Variants in TTN observed in about 807,000 individuals in gnomAD.
TTN encodes connectin.
In TTN, 1,525 loss-of-function variants were observed where a neutral mutation model predicts 3,223.0. That is an observed-to-expected ratio of 0.47 (90% confidence interval 0.45 to 0.49). TTN has a LOEUF of 0.49. TTN is among the 20% of genes least tolerant of loss of function. The probability of loss-of-function intolerance (pLI) is 0.00; values close to 1 mark genes in which losing one functional copy is unlikely to be tolerated. For synonymous variants in TTN, 14,094 were observed against 15,161.0 expected, an observed-to-expected ratio of 0.93 and a Z score of 5.17; for missense variants, 40,786 against 43,424.0, an observed-to-expected ratio of 0.94 and a Z score of 5.40.
Position 178,769,919 on chromosome 2 carries a change from T to G in TTN, c.8662A>C (p.Met2888Leu), listed in dbSNP as rs1038686184. The change falls in exon 37 of 363, where the codon ATG becomes CTG. Residue 2888 changes from methionine to leucine, a missense_variant. Met to Leu is a conservative substitution (Grantham distance 15). Transcript: ENST00000589042. ...GTCTCAGGCACCTCGATATTTTTCA[T>G]GGTTTTTGTAATATGTAATGCTTGG... Reference protein sequence around the residue: ...FVETLHITKTMKNIEVPETKT... With the variant: ...FVETLHITKTLKNIEVPETKT... The G allele has an allele frequency of 4.3e-6, 7 of 1,614,098 alleles. No individual in the cohort carries two copies. The South Asian group carries it at 6.6e-5, about 15-fold the overall frequency.
At position 178,649,179 on chromosome 2, in the gene TTN, C is replaced by T. The variant is rs1452513763; in HGVS notation, c.40057+69G>A. 13 of 1,172,128 alleles carry T rather than the reference C, an allele frequency of 1.1e-5. 1 individual carries two copies. Among genetic ancestry groups the T allele is most frequent in the East Asian group, 5.8e-5 (2 of 34,720 alleles). 72.6% of individuals were successfully genotyped at this position (1,172,128 alleles called of 1,614,324 possible). A position where few individuals can be genotyped will look rare whatever the true frequency, so the allele number is the denominator to read the frequency against. ...ATAAATTCACATTCAGTATGTTTTT[C>T]TCTAAGACCTATTATTAACATGCTT... On this transcript the variant is annotated intron_variant, in intron 213 of 362. Coordinates refer to ENST00000589042, the MANE Select transcript of TTN (RefSeq NM_001267550.2).
intron 282 of TTN, among the ~76,000 whole-genome samples, chr2:178,603,110 C>T (rs1160290263): frequency 6.6e-6 from 1 of 151,960 alleles, no homozygotes; most frequent in African/African-American, 2.4e-5. Flanking sequence ...AATTCTTTTA[C>T]TGTACTTGTC....
At position 178,558,154 on chromosome 2, in the gene TTN, G is replaced by A. The variant is rs878925055; in HGVS notation, c.87200C>T (p.Pro29067Leu). The change falls in exon 328 of 363, where the codon CCA becomes CTA. Residue 29067 changes from proline to leucine, a missense_variant. Pro to Leu is a moderately conservative substitution (Grantham distance 98, BLOSUM62 -3). Transcript: ENST00000589042. ...TTTGGGAAGTGGTTTTCCAGAGATT[G>A]GAATGTCAACTTTAAGGTTTGAACC... The part of the protein sequence containing the change: ...RAGSNLKVDI[P>L]ISGKPLPKVT... 28 of 1,613,698 alleles carry A rather than the reference G, an allele frequency of 1.7e-5. No homozygotes were observed. The highest frequency in any genetic ancestry group is 2.7e-5 in the African/African-American group (2 of 74,932).
intron 223 of TTN, 127 bp downstream of exon 223, chr2:178,639,572 A>G: frequency 1.0e-6 from 1 of 984,912 alleles, no homozygotes; most frequent in Non-Finnish European, 1.6e-6. Flanking sequence ...GAAACTTACC[A>G]TAAACCTCCG....
In TTN at chr2:178,573,890, G is replaced by A. The variant is rs771966894; in HGVS notation, c.72242C>T (p.Ala24081Val). The change falls in exon 326 of 363, where the codon GCA (alanine) becomes GTA (valine). Residue 24081 changes from alanine to valine, a missense_variant. Transcript: ENST00000589042. ...EGTAKLEIKIADFSTNLVNKD... is the reference protein window; with the variant it reads ...EGTAKLEIKIVDFSTNLVNKD... ...GTTTACCAGATTAGTAGAGAAATCTGCAATTTTTATTTCTAACTTTGCTGT... is the reference window on the plus strand; with the variant it reads ...GTTTACCAGATTAGTAGAGAAATCTACAATTTTTATTTCTAACTTTGCTGT... 6.2e-7 allele frequency: 1 copy of A among 1,611,302 alleles called. No individual in the cohort carries two copies. The highest frequency in any genetic ancestry group is 1.1e-5 in the South Asian group (1 of 90,982).
chr2:178,535,064 T>G lies in TTN; in HGVS notation c.101551A>C (p.Lys33851Gln), dbSNP rs1394900631. ...SKKTYMAKFVKVKGTDQVLVK... is the reference protein window; with the variant it reads ...SKKTYMAKFVQVKGTDQVLVK... The stretch of plus-strand genomic sequence containing the variant: ...AAAACCTGATCAGTCCCTTTGACTT[T>G]AACAAATTTGGCCATGTATGTCTTC... The change falls in exon 358 of 363, where the codon AAA becomes CAA. Residue 33851 changes from lysine to glutamine, a missense_variant. By Grantham distance (53) the Lys-to-Gln change is moderately conservative (BLOSUM62 1). Coordinates refer to ENST00000589042, the MANE Select transcript of TTN (RefSeq NM_001267550.2). 2 of 1,613,936 alleles carry G rather than the reference T, an allele frequency of 1.2e-6. No individual in the cohort carries two copies. Among genetic ancestry groups the G allele is most frequent in the Non-Finnish European group, 1.7e-6 (2 of 1,179,854 alleles).
intron 117 of TTN, among the ~76,000 whole-genome samples, chr2:178,694,314 T>C (rs1214639808): frequency 6.6e-6 from 1 of 152,200 alleles, no homozygotes; most frequent in Non-Finnish European, 1.5e-5. Context: ...GGGAATATTA[T>C]ATGCAATGGA....
chr2:178,542,052 TAAAA>T, intron 349 of TTN: 1 of 430,830 alleles, frequency 2.3e-6, no homozygotes, highest in Admixed American at 3.9e-5. Flanking sequence ...GTGAAGATAT[TAAAA>T]AAAAAATCAA....
In TTN at chr2:178,653,112, G is replaced by A; in HGVS notation, c.38804C>T (p.Pro12935Leu). Residue 12935 changes from proline (P) to leucine (L), a missense_variant, in exon 199 of 363, where the codon CCC (proline) becomes CTC (leucine). Pro to Leu is a moderately conservative substitution (Grantham distance 98). Coordinates refer to ENST00000589042, the MANE Select transcript of TTN (RefSeq NM_001267550.2). Reference protein sequence around the residue: ...EVPPVKVPEAPKEVVPEKKVP... With the variant: ...EVPPVKVPEALKEVVPEKKVP... ...TTTCTTTTCAGGAACAACTTCTTTG[G>A]GAGCCTCTGGCACTTAAAAGATATT... 6.2e-7 allele frequency: 1 copy of A among 1,612,690 alleles called. No homozygotes were observed. The highest frequency in any genetic ancestry group is 2.2e-5 in the East Asian group (1 of 44,784).
Position 178,551,155 on chromosome 2 carries a change from A to T in TTN, c.91376T>A (p.Ile30459Asn). The change falls in exon 336 of 363, where the codon ATT (isoleucine) becomes AAT (asparagine). Residue 30459 changes from isoleucine to asparagine, a missense_variant. Physicochemically the swap from Ile to Asn is moderately radical, Grantham distance 149. Transcript: ENST00000589042. Reference protein sequence around the residue: ...DGGSKIVGYSIEKRQGNERWV... With the variant: ...DGGSKIVGYSNEKRQGNERWV... The stretch of plus-strand genomic sequence containing the variant: ...GCGTTCATTTCCTTGCCGTTTCTCA[A>T]TGCTATAGCCCACAATCTTACTGCC... 6.2e-7 allele frequency: 1 copy of T among 1,613,574 alleles called. No homozygotes were observed. Among genetic ancestry groups the T allele is most frequent in the Non-Finnish European group, 8.5e-7 (1 of 1,179,676 alleles).
In TTN at chr2:178,534,488, T is replaced by C; in HGVS notation, c.102127A>G (p.Ser34043Gly). 6 of 1,613,778 alleles carry C rather than the reference T, an allele frequency of 3.7e-6. No homozygotes were observed. Among genetic ancestry groups the C allele is most frequent in the Non-Finnish European group, 5.1e-6 (6 of 1,179,806 alleles). Residue 34043 changes from serine to glycine, a missense_variant, in exon 358 of 363, where the codon AGC (serine) becomes GGC (glycine). Ser to Gly is a moderately conservative substitution (Grantham distance 56). Coordinates refer to ENST00000589042, the MANE Select transcript of TTN (RefSeq NM_001267550.2). The stretch of plus-strand genomic sequence containing the variant: ...TCAACAAAATCCATGGCTTCAATGC[T>C]AATCTCTTTGAATGCTTCCTCATCG... ...TFDEEAFKEI[S>G]IEAMDFVDRL...
At chr2:178,637,502 G>A in intron 223 of TTN, 83 bp from the exon 224 acceptor site, 2 of 749,642 alleles carry the variant, frequency 2.7e-6, no homozygotes, top group Non-Finnish European at 3.9e-6. Flanking sequence ...GGTGAGTCAT[G>A]CTCCATTATA....
At position 178,532,336 on chromosome 2, in the gene TTN, T is replaced by C; in HGVS notation, c.104279A>G (p.Gln34760Arg). 1 of 1,614,028 alleles carries C rather than the reference T, an allele frequency of 6.2e-7. No homozygotes were observed. Among genetic ancestry groups the C allele is most frequent in the Non-Finnish European group, 8.5e-7 (1 of 1,179,884 alleles). The change falls in exon 358 of 363, where the codon CAA becomes CGA. Residue 34760 changes from glutamine to arginine, a missense_variant. Coordinates refer to ENST00000589042, the MANE Select transcript of TTN (RefSeq NM_001267550.2). ...CCTCTCAGCCATGATTCTTTGCCGT[T>C]GCTTTGGCTGTCTGTACGCAGCCTG... ...HAQAAYRQPK[Q>R]RQRIMAERED...
At position 178,575,329 on chromosome 2, in the gene TTN, A is replaced by G. The variant is rs769541838; in HGVS notation, c.70803T>C (p.Tyr23601=). ...VVRNLTEGEE[Y]TFQVMAVNSA... ...TGTTCACTGCCATCACTTGGAAGGT[A>G]TATTCCTCTCCTTCAGTTAGATTCC... Residue 23601 remains tyrosine, a synonymous_variant, in exon 326 of 363, where the codon TAT becomes TAC. Coordinates refer to ENST00000589042, the MANE Select transcript of TTN (RefSeq NM_001267550.2). This position sits in a 1 kb window ranked among gnomAD's most constrained non-coding sequence, Gnocchi z 4.0. The G allele has an allele frequency of 1.2e-6, 2 of 1,613,470 alleles. No homozygotes were observed. Among genetic ancestry groups the G allele is most frequent in the South Asian group, 1.1e-5 (1 of 91,072 alleles).
chr2:178,636,289 G>T lies in TTN; in HGVS notation c.41330-48C>A. 6.8e-7 allele frequency: 1 copy of T among 1,478,104 alleles called. No homozygotes were observed. The highest frequency in any genetic ancestry group is 1.4e-5 in the South Asian group (1 of 69,918). 91.6% of individuals were successfully genotyped at this position (1,478,104 alleles called of 1,614,324 possible). On this transcript the variant is annotated intron_variant, in intron 225 of 362. Coordinates refer to ENST00000589042, the MANE Select transcript of TTN (RefSeq NM_001267550.2). The surrounding 1 kb of genome is among the most constrained non-coding windows in gnomAD (Gnocchi z 4.3). Reference sequence around the variant, plus strand: ...TTTCAATAAATACAATATTTTCAATGAAATAAAACTTGGAAATAAGAGGTT... The same window carrying T: ...TTTCAATAAATACAATATTTTCAATTAAATAAAACTTGGAAATAAGAGGTT...
Position 178,562,790 on chromosome 2 carries a change from T to A in TTN, c.83342A>T (p.Asp27781Val). ...TGGTTCCCAGGACAACGTCACTGAG[T>A]CTTTCTTCACTTCTCTTATGGTCAA... ...VNLTIREVKKDSVTLSWEPPL... is the reference protein window; with the variant it reads ...VNLTIREVKKVSVTLSWEPPL... Residue 27781 changes from aspartate (D) to valine (V), a missense_variant, in exon 326 of 363, where the codon GAC becomes GTC. Asp to Val is a radical substitution (Grantham distance 152). Transcript: ENST00000589042. The A allele has an allele frequency of 6.2e-7, 1 of 1,613,294 alleles. No homozygotes were observed. Among genetic ancestry groups the A allele is most frequent in the Non-Finnish European group, 8.5e-7 (1 of 1,179,614 alleles).
chr2:178,559,437 A>C lies in TTN; in HGVS notation c.86695T>G (p.Cys28899Gly). ...GTAACTTTGTAGGAGAGGCGGTTAC[A>C]GTTGTTGGTCACAGAGACCCATGCT... ...KKAWVSVTNN[C>G]NRLSYKVTNL... The change falls in exon 326 of 363, where the codon TGT becomes GGT. Residue 28899 changes from cysteine (C) to glycine (G), a missense_variant. Cys to Gly is a radical substitution (Grantham distance 159). Transcript: ENST00000589042. The C allele has an allele frequency of 1.2e-6, 2 of 1,613,682 alleles. No individual in the cohort carries two copies. The highest frequency in any genetic ancestry group is 4.5e-5 in the East Asian group (2 of 44,856).
Position 178,531,974 on chromosome 2 carries a change from T to C in TTN, c.104641A>G (p.Arg34881Gly). The change falls in exon 358 of 363, where the codon AGA (arginine) becomes GGA (glycine). Residue 34881 changes from arginine (R) to glycine (G), a missense_variant. By Grantham distance (125) the Arg-to-Gly change is moderately radical (BLOSUM62 -2). Coordinates refer to ENST00000589042, the MANE Select transcript of TTN (RefSeq NM_001267550.2). The part of the protein sequence containing the change: ...DTERRSPTPE[R>G]TRPRSPSPVS... ...GGGCTGGGGGATCGTGGGCGAGTTC[T>C]CTCTGGAGTAGGTGACCTTCTTTCT... 1 of 1,613,808 alleles carries C rather than the reference T, an allele frequency of 6.2e-7. No individual in the cohort carries two copies.
At chr2:178,784,398 G>C (rs774199175) in intron 15 of TTN, 47 bp from the exon 16 acceptor site, 1 of 1,606,930 alleles carries the variant, frequency 6.2e-7, no homozygotes, top group South Asian at 1.1e-5. Context: ...ACCATCCTCC[G>C]ATGGCTAGCC....
Sources: allele counts gnomAD v4.1 joint callset (sites outside exome capture counted in the v4.1 genomes callset), GRCh38; gene constraint gnomAD v4.1.1; non-coding constraint Gnocchi (gnomAD v3.1); transcripts MANE v1.5; gene names NCBI Gene and HGNC (gene_info 2026-07-23, HGNC 2026-07-21).